Variants in CFAP107 observed in about 807,000 individuals in gnomAD.
The protein encoded by CFAP107 is cilia and flagella associated protein 107, also known as cilia- and flagella-associated protein 107.
the CFAP107 span, chr1:12,755,934 T>C: frequency 1.5e-6 from 1 of 661,148 alleles, no homozygotes; most frequent in African/African-American, 1.8e-5. Context: ...GTCTCATTAA[T>C]ACCCTCCCAG....
At chr1:12,759,315 A>G in the CFAP107 span, 3 of 1,613,684 alleles carry the variant, frequency 1.9e-6, no homozygotes, top group Non-Finnish European at 2.5e-6. Context: ...TCCAGGGGCT[A>G]CCTTACAAAC....
chr1:12,760,802 C>G, the CFAP107 span: 1 of 1,613,972 alleles, frequency 6.2e-7, no homozygotes, highest in Non-Finnish European at 8.5e-7. Flanking sequence ...CTATGAGCAG[C>G]TCAAGCAGAG....
chr1:12,761,135 C>A, the CFAP107 span: 2 of 563,214 alleles, frequency 3.6e-6, no homozygotes, highest in African/African-American at 1.9e-5. Context: ...AGGTTCCTTT[C>A]TTTTCCATCC....
At chr1:12,761,130 C>T in the CFAP107 span, 1 of 568,596 alleles carries the variant, frequency 1.8e-6, no homozygotes, top group African/African-American at 1.9e-5. Context: ...CCCACAGGTT[C>T]CTTTCTTTTC....
chr1:12,761,178 C>G, the CFAP107 span: 2 of 510,872 alleles, frequency 3.9e-6, no homozygotes, highest in African/African-American at 1.9e-5. Flanking sequence ...TATTGCAGGG[C>G]TATGTACGTG....
the CFAP107 span, chr1:12,761,419 C>T: frequency 6.5e-6 from 1 of 153,582 alleles, no homozygotes; most frequent in Admixed American, 6.5e-5. Context: ...GGAAGGACCC[C>T]AGCTTGTCTG....
chr1:12,757,112 C>T, the CFAP107 span, among the ~76,000 whole-genome samples: 15 of 152,260 alleles, frequency 9.9e-5, no homozygotes, highest in African/African-American at 3.6e-4. Context: ...AAGTTAGAAC[C>T]CAGGATCTGG....
chr1:12,752,822 C>T, the CFAP107 span, among the ~76,000 whole-genome samples: 9 of 152,124 alleles, frequency 5.9e-5, no homozygotes, highest in African/African-American at 1.7e-4. Context: ...AAATGCCAGC[C>T]TTTTCCACTT....
At chr1:12,760,750 G>T in the CFAP107 span, 1 of 1,609,450 alleles carries the variant, frequency 6.2e-7, no homozygotes, top group South Asian at 1.1e-5. Flanking sequence ...CATTCAACTG[G>T]ACCCTGGTTT....
the CFAP107 span, among the ~76,000 whole-genome samples, chr1:12,754,472 A>T: frequency 6.6e-6 from 1 of 152,264 alleles, no homozygotes; most frequent in East Asian, 1.9e-4. Flanking sequence ...AATTAGACAT[A>T]GAATTACCAT....
At chr1:12,749,722 A>T in the CFAP107 span, among the ~76,000 whole-genome samples, 1 of 152,240 alleles carries the variant, frequency 6.6e-6, no homozygotes, top group Admixed American at 6.5e-5. Flanking sequence ...GGTAAAAAAA[A>T]TACTGTTATC....
chr1:12,759,791 A>G, the CFAP107 span, among the ~76,000 whole-genome samples: 1 of 152,156 alleles, frequency 6.6e-6, no homozygotes, highest in Non-Finnish European at 1.5e-5. Context: ...TATTTACTAC[A>G]TGAATAATGA....
chr1:12,746,412 C>A, the CFAP107 span: 2 of 1,600,130 alleles, frequency 1.2e-6, no homozygotes, highest in Non-Finnish European at 1.7e-6. Context: ...GTCAAAGAAA[C>A]CTGGGGCAAA....
the CFAP107 span, chr1:12,755,570 G>A: frequency 1.1e-4 from 78 of 699,528 alleles, no homozygotes; most frequent in African/African-American, 1.0e-3. Context: ...CCTGTGTTGG[G>A]CAGGGTGTCC....
At chr1:12,749,731 T>C in the CFAP107 span, among the ~76,000 whole-genome samples, 1 of 152,226 alleles carries the variant, frequency 6.6e-6, no homozygotes, top group Non-Finnish European at 1.5e-5. Context: ...AATACTGTTA[T>C]CTGATAATTC....
At chr1:12,761,142 A>G in the CFAP107 span, 41,875 of 550,918 alleles carry the variant, frequency 0.076, 2,610 homozygotes, top group African/African-American at 0.25. Flanking sequence ...TTTCTTTTCC[A>G]TCCAACAATT....
At chr1:12,752,224 C>T in the CFAP107 span, among the ~76,000 whole-genome samples, 1 of 151,942 alleles carries the variant, frequency 6.6e-6, no homozygotes, top group African/African-American at 2.4e-5. Context: ...AGTAGAAACC[C>T]CCATTCAATA....
At chr1:12,762,250 G>A in the CFAP107 span, 1 of 152,028 alleles carries the variant, frequency 6.6e-6, no homozygotes, top group Non-Finnish European at 1.5e-5. Context: ...CCAACTGAAA[G>A]TCAGAGCCTG....
the CFAP107 span, among the ~76,000 whole-genome samples, chr1:12,748,968 T>C: frequency 6.6e-6 from 1 of 152,084 alleles, no homozygotes; most frequent in Admixed American, 6.5e-5. Context: ...CAGATTTGAA[T>C]AGGCAGGAGA....
Sources: allele counts gnomAD v4.1 joint callset (sites outside exome capture counted in the v4.1 genomes callset), GRCh38; gene constraint gnomAD v4.1.1; transcripts MANE v1.5; gene names NCBI Gene and HGNC (gene_info 2026-07-23, HGNC 2026-07-21).